Variants in CNTNAP5 observed in about 807,000 individuals in gnomAD.
The protein encoded by CNTNAP5 is contactin associated protein family member 5, also known as contactin-associated protein-like 5.
In CNTNAP5, 72 loss-of-function variants were observed where a neutral mutation model predicts 150.2. The observed-to-expected ratio is 0.48, with a 90% confidence interval of 0.40 to 0.58. The LOEUF is 0.58. Ranked by LOEUF, CNTNAP5 falls within the 20% of genes least tolerant of loss-of-function variation. CNTNAP5 has a pLI of 0.00. For missense variants in CNTNAP5, 1,636 were observed against 1,626.2 expected, an observed-to-expected ratio of 1.01 and a Z score of -0.10; for synonymous variants, 672 against 619.8, an observed-to-expected ratio of 1.08 and a Z score of -1.25.
At chr2:124,187,529 G>A (rs145220728) in intron 1 of CNTNAP5, among the ~76,000 whole-genome samples, 2 of 152,310 alleles carry the variant, frequency 1.3e-5, no homozygotes, top group East Asian at 1.9e-4. Context: ...GACCTTGTGG[G>A]CTTGAATTTT....
At chr2:124,218,378 A>C (rs1686215839) in intron 1 of CNTNAP5, among the ~76,000 whole-genome samples, 1 of 152,152 alleles carries the variant, frequency 6.6e-6, no homozygotes, top group African/African-American at 2.4e-5. Context: ...GTGAGACAGA[A>C]GTGACAGAGG....
At chr2:124,096,612 A>AACTATTTGG (rs1221868065) in intron 1 of CNTNAP5, among the ~76,000 whole-genome samples, 2 of 152,092 alleles carry the variant, frequency 1.3e-5, no homozygotes, top group Middle Eastern at 6.3e-3. Context: ...TATTCCAATG[A>AACTATTTGG]ACTATTTGGG....
chr2:124,574,867 A>G (rs895266084), intron 11 of CNTNAP5, among the ~76,000 whole-genome samples: 1 of 152,342 alleles, frequency 6.6e-6, no homozygotes, highest in African/African-American at 2.4e-5. Flanking sequence ...TTAAAATTCT[A>G]TAACACAATA....
At chr2:124,459,203 G>A (rs989369096) in intron 6 of CNTNAP5, among the ~76,000 whole-genome samples, 2 of 152,208 alleles carry the variant, frequency 1.3e-5, no homozygotes, top group African/African-American at 4.8e-5. Context: ...GGTGCTCCTT[G>A]CAGGTACCCA....
chr2:124,040,670 T>G lies in CNTNAP5; in HGVS notation c.82+14938T>G, dbSNP rs568313161. 1.6e-3 allele frequency among the ~76,000 whole-genome samples: 230 copies of G among 147,560 alleles called. 1 individual carries two copies. Among genetic ancestry groups the G allele is most frequent in the African/African-American group, 5.4e-3 (221 of 40,660 alleles). ...GTGTGTGTGTGTAACAGTGCTTACT[T>G]CTTTACTGGCAGAAGACAGAGACAT... On this transcript the variant is annotated intron_variant, in intron 1 of 23. Transcript: ENST00000682447.
chr2:124,122,050 A>C (rs1683575167), intron 1 of CNTNAP5, among the ~76,000 whole-genome samples: 1 of 152,142 alleles, frequency 6.6e-6, no homozygotes, highest in Non-Finnish European at 1.5e-5. Flanking sequence ...GAGAAAGGAG[A>C]TGCTAAATAG....
rs368774742 is a variant in CNTNAP5, at chr2:124,072,875, A to C, written c.82+47143A>C. On this transcript the variant is annotated intron_variant, in intron 1 of 23. Coordinates refer to ENST00000682447, the MANE Select transcript of CNTNAP5 (RefSeq NM_001367498.1). ...AAAAAGAATTCTAAAACTTACATATAATTACAAAAGACCCAGAATAGCCAA... is the reference window on the plus strand; with the variant it reads ...AAAAAGAATTCTAAAACTTACATATCATTACAAAAGACCCAGAATAGCCAA... Among the ~76,000 whole-genome samples the C allele has an allele frequency of 1.6e-4, 25 of 152,158 alleles. 1 individual carries two copies. The East Asian group carries it at 2.7e-3, about 16-fold the overall frequency.
chr2:124,406,649 G>A (rs563646126), intron 3 of CNTNAP5, among the ~76,000 whole-genome samples: 1 of 152,268 alleles, frequency 6.6e-6, no homozygotes, highest in South Asian at 2.1e-4. Flanking sequence ...TCAAGTCAGG[G>A]TATTTGGGAT....
chr2:124,646,751 T>C (rs191685646), intron 12 of CNTNAP5, among the ~76,000 whole-genome samples: 3 of 152,276 alleles, frequency 2.0e-5, no homozygotes, highest in African/African-American at 7.2e-5. Context: ...ACCAGGGTAT[T>C]GCTCTCTTGT....
chr2:124,140,287 A>G (rs1325565675), intron 1 of CNTNAP5, among the ~76,000 whole-genome samples: 1 of 151,658 alleles, frequency 6.6e-6, no homozygotes, highest in Admixed American at 6.6e-5. Flanking sequence ...GGAGCCCACC[A>G]CAGCTCAAGG....
chr2:124,603,495 C>T (rs1697031701), intron 11 of CNTNAP5, among the ~76,000 whole-genome samples: 1 of 152,132 alleles, frequency 6.6e-6, no homozygotes, highest in South Asian at 2.1e-4. Flanking sequence ...TTTGGCAGTC[C>T]TTGATGATCA....
chr2:124,865,367 A>G lies in CNTNAP5; in HGVS notation c.3279A>G (p.Ala1093=), dbSNP rs1677609665. The change falls in exon 20 of 24, where the codon GCA becomes GCG. Residue 1093 remains alanine (A), a synonymous_variant. Transcript: ENST00000682447. ...AAACCCATGTATTCACCATTGATGC[A>G]GATAACTTTGCTAACAGAAGGATGC... ...KEETHVFTID[A]DNFANRRMHH... 2.6e-6 allele frequency: 4 copies of G among 1,560,410 alleles called. No homozygotes were observed. The African/African-American group carries it at 5.4e-5, about 21-fold the overall frequency.
At chr2:124,126,688 G>A (rs962323363) in intron 1 of CNTNAP5, among the ~76,000 whole-genome samples, 3 of 152,162 alleles carry the variant, frequency 2.0e-5, no homozygotes, top group African/African-American at 7.2e-5. Context: ...GAATCCAGCA[G>A]CACATCAAAA....
intron 6 of CNTNAP5, among the ~76,000 whole-genome samples, chr2:124,450,047 A>G (rs1692926613): frequency 6.9e-6 from 1 of 145,678 alleles, no homozygotes; most frequent in Non-Finnish European, 1.5e-5. Flanking sequence ...GGATATGTAA[A>G]TCTAAGGTCT....
At chr2:124,494,891 C>T (rs188638067) in intron 7 of CNTNAP5, among the ~76,000 whole-genome samples, 2 of 152,200 alleles carry the variant, frequency 1.3e-5, no homozygotes, top group African/African-American at 4.8e-5. Flanking sequence ...ATACAGAAAA[C>T]TGTTTAACTG....
intron 12 of CNTNAP5, among the ~76,000 whole-genome samples, chr2:124,647,282 C>T (rs1678223006): frequency 6.6e-6 from 1 of 152,058 alleles, no homozygotes; most frequent in Admixed American, 6.5e-5. Context: ...CAATCTCAAC[C>T]TTGTTCTCTG....
intron 1 of CNTNAP5, among the ~76,000 whole-genome samples, chr2:124,199,664 C>G (rs932114225): frequency 1.3e-5 from 2 of 152,130 alleles, no homozygotes; most frequent in African/African-American, 4.8e-5. Flanking sequence ...ATGCACCTGC[C>G]TCATCCTTCC....
rs72980507 is a variant in CNTNAP5, at chr2:124,139,035, A to G, written c.83-82670A>G. Reference sequence around the variant, plus strand: ...CTGAGTCTACAGGAGGTTCCCTTCCACCACATCCCTGCAGCTGTTCAATCT... The same window carrying G: ...CTGAGTCTACAGGAGGTTCCCTTCCGCCACATCCCTGCAGCTGTTCAATCT... On this transcript the variant is annotated intron_variant, in intron 1 of 23. Transcript: ENST00000682447. 5.9e-3 allele frequency among the ~76,000 whole-genome samples: 895 copies of G among 151,808 alleles called. 10 individuals carry two copies. Among genetic ancestry groups the G allele is most frequent in the African/African-American group, 0.021 (856 of 41,196 alleles).
chr2:124,055,897 A>G (rs2104647622), intron 1 of CNTNAP5, among the ~76,000 whole-genome samples: 1 of 151,862 alleles, frequency 6.6e-6, no homozygotes. Context: ...TCTATCCTCA[A>G]TTCCCTCTCC....
Sources: gnomAD v4.1 joint callset for allele counts (sites outside exome capture counted in the v4.1 genomes callset) on GRCh38, gnomAD v4.1.1 for gene constraint, MANE v1.5 for transcripts, NCBI Gene and HGNC (gene_info 2026-07-23, HGNC 2026-07-21) for gene names.